Variants in CEP192 observed in about 807,000 individuals in gnomAD.
The protein encoded by CEP192 is centrosomal protein 192.
In CEP192, 151 loss-of-function variants were observed where a neutral mutation model predicts 271.8. That is an observed-to-expected ratio of 0.56 (90% CI 0.49 to 0.64). The LOEUF (loss-of-function observed/expected upper bound fraction) is 0.64, where lower values mean the gene tolerates loss of function less well. Ranked by LOEUF, CEP192 falls within the 30% of genes least tolerant of loss-of-function variation. CEP192 has a pLI of 0.00. For synonymous variants in CEP192, 995 were observed against 1,076.5 expected, an observed-to-expected ratio of 0.92 and a Z score of 1.48; for missense variants, 2,910 against 3,020.5, an observed-to-expected ratio of 0.96 and a Z score of 0.86.
intron 3 of CEP192, among the ~76,000 whole-genome samples, chr18:13,006,492 A>G (rs918477215): frequency 2.0e-5 from 3 of 152,158 alleles, no homozygotes; most frequent in African/African-American, 4.8e-5. Flanking sequence ...CCAGTCCCCC[A>G]TGTATACTGA....
Position 13,059,169 on chromosome 18 carries a change from A to G in CEP192, c.4345A>G (p.Ile1449Val). 1 of 1,614,132 alleles carries G rather than the reference A, an allele frequency of 6.2e-7. No individual in the cohort carries two copies. Among genetic ancestry groups the G allele is most frequent in the Non-Finnish European group, 8.5e-7 (1 of 1,179,964 alleles). Residue 1449 changes from isoleucine to valine, a missense_variant, in exon 21 of 45, where the codon ATA becomes GTA. Physicochemically the swap from Ile to Val is conservative, Grantham distance 29. Transcript: ENST00000506447. ...HATEEIKVLFIPSSPGVFRCT... is the reference protein window; with the variant it reads ...HATEEIKVLFVPSSPGVFRCT... ...CACAGAAGAGATAAAAGTGCTTTTT[A>G]TACCATCCAGTCCTGGGGTTTTCAG...
At position 13,103,598 on chromosome 18, in the gene CEP192, G is replaced by C. The variant is rs934587176; in HGVS notation, c.6951+10G>C. 3 of 1,591,436 alleles carry C rather than the reference G, an allele frequency of 1.9e-6. No individual in the cohort carries two copies. The African/African-American group carries it at 4.0e-5, about 21-fold the overall frequency. On this transcript the variant is annotated intron_variant, in intron 39 of 44. Coordinates refer to ENST00000506447, the MANE Select transcript of CEP192 (RefSeq NM_032142.4). The stretch of plus-strand genomic sequence containing the variant: ...GCCACCTTATGTCAAGGTCAGTCAT[G>C]ACTGCCTCAGATATAATCGTTTTAA...
At position 13,113,575 on chromosome 18, in the gene CEP192, G is replaced by A. The variant is rs1164076472; in HGVS notation, c.7048-11G>A. On this transcript the variant is annotated splice_polypyrimidine_tract_variant and intron_variant, in intron 40 of 44. Transcript: ENST00000506447. Reference sequence around the variant, plus strand: ...CAGTGTCTAAATTTCTCTTCTGTATGTATTTCGTAGGTCTCCATCACATTT... The same window carrying A: ...CAGTGTCTAAATTTCTCTTCTGTATATATTTCGTAGGTCTCCATCACATTT... 3.7e-6 allele frequency: 6 copies of A among 1,612,474 alleles called. No individual in the cohort carries two copies. Among genetic ancestry groups the A allele is most frequent in the Non-Finnish European group, 5.1e-6 (6 of 1,179,044 alleles).
intron 21 of CEP192, among the ~76,000 whole-genome samples, chr18:13,064,861 C>T (rs77268853): frequency 2.4e-4 from 36 of 152,126 alleles, no homozygotes; most frequent in African/African-American, 8.4e-4. Context: ...TTTTCTATTT[C>T]TGTGAGGTAG....
intron 9 of CEP192, among the ~76,000 whole-genome samples, chr18:13,027,121 GT>G (rs1418999066): frequency 6.6e-6 from 1 of 152,122 alleles, no homozygotes; most frequent in African/African-American, 2.4e-5. Flanking sequence ...GTGTTTCTCA[GT>G]TTTTTCCTCC....
chr18:13,080,023 G>A (rs998117064), intron 30 of CEP192, among the ~76,000 whole-genome samples: 4 of 152,170 alleles, frequency 2.6e-5, no homozygotes, highest in Admixed American at 2.0e-4. Flanking sequence ...GTACCATGCT[G>A]TTTTGGTTAC....
At chr18:13,059,375 G>C (rs895262701) in intron 21 of CEP192, 63 bp downstream of exon 21, 3 of 1,365,068 alleles carry the variant, frequency 2.2e-6, no homozygotes, top group Admixed American at 4.2e-5. Context: ...TTTAACCTTA[G>C]AAGTAAAATT....
At position 13,059,251 on chromosome 18, in the gene CEP192, A is replaced by G. The variant is rs1276478053; in HGVS notation, c.4427A>G (p.Gln1476Arg). 6 of 1,614,212 alleles carry G rather than the reference A, an allele frequency of 3.7e-6. No homozygotes were observed. The highest frequency in any genetic ancestry group is 5.1e-6 in the Non-Finnish European group (6 of 1,180,020). The change falls in exon 21 of 45, where the codon CAG becomes CGG. Residue 1476 changes from glutamine to arginine, a missense_variant. Gln to Arg is a conservative substitution (Grantham distance 43). Transcript: ENST00000506447. ...PCSTDAETIV[Q>R]AEALASTVTL... is the part of the protein sequence containing the mutation. The stretch of plus-strand genomic sequence containing the variant: ...TCGACAGATGCTGAGACCATCGTAC[A>G]GGCAGAAGCTTTGGCCAGCACCGTC...
chr18:13,108,145 TAACTC>T (rs2040043055), intron 40 of CEP192, among the ~76,000 whole-genome samples: 1 of 152,118 alleles, frequency 6.6e-6, no homozygotes, highest in Non-Finnish European at 1.5e-5. Context: ...GTATAAAAAT[TAACTC>T]AAGGTGGATT....
In CEP192 at chr18:13,069,958, C is replaced by G. The variant is rs541593441; in HGVS notation, c.5174+102C>G. Reference sequence around the variant, plus strand: ...GGTGGATTACCTGAGGTCAGGAGTTCGAGACCAGCTTGGGCAACATGGCGA... The same window carrying G: ...GGTGGATTACCTGAGGTCAGGAGTTGGAGACCAGCTTGGGCAACATGGCGA... On this transcript the variant is annotated intron_variant, in intron 27 of 44. Transcript: ENST00000506447. The G allele has an allele frequency of 4.6e-5, 30 of 658,868 alleles. No homozygotes were observed. In the Middle Eastern group the frequency reaches 5.8e-3, roughly 127 times the overall value. The allele number at this position is 658,868 out of a possible 1,614,324, so 40.8% of individuals were successfully genotyped here.
chr18:13,100,011 T>C (rs553745089), intron 37 of CEP192, among the ~76,000 whole-genome samples: 44 of 152,264 alleles, frequency 2.9e-4, no homozygotes, highest in Middle Eastern at 6.8e-3. Flanking sequence ...AGTTAGAGCA[T>C]TGGTATAGAA....
At chr18:13,072,951 G>T in intron 29 of CEP192, 58 bp from the exon 30 acceptor site, 2 of 1,555,400 alleles carry the variant, frequency 1.3e-6, no homozygotes, top group South Asian at 2.3e-5. Context: ...TGTGTTAATG[G>T]TATGTTTTAT....
At chr18:13,031,577 A>G (rs186564388) in intron 11 of CEP192, among the ~76,000 whole-genome samples, 304 of 152,242 alleles carry the variant, frequency 2.0e-3, no homozygotes, top group African/African-American at 7.0e-3. Flanking sequence ...GGCTTGCGCC[A>G]GAGGAAGAAG....
intron 27 of CEP192, among the ~76,000 whole-genome samples, chr18:13,070,667 G>A (rs1218197628): frequency 6.6e-6 from 1 of 152,150 alleles, no homozygotes; most frequent in Non-Finnish European, 1.5e-5. Flanking sequence ...ACACTTTATC[G>A]TGTGCTCAGT....
intron 3 of CEP192, among the ~76,000 whole-genome samples, chr18:13,007,891 G>A (rs755709718): frequency 8.5e-5 from 13 of 152,124 alleles, no homozygotes; most frequent in Non-Finnish European, 1.5e-4. Context: ...CTGAAGTTCC[G>A]TTCCCACCCC....
In CEP192 at chr18:13,049,630, G is replaced by A. The variant is rs778874472; in HGVS notation, c.2839G>A (p.Glu947Lys). The A allele has an allele frequency of 2.5e-6, 4 of 1,613,136 alleles. No homozygotes were observed. The African/African-American group carries it at 5.3e-5, about 22-fold the overall frequency. The change falls in exon 16 of 45, where the codon GAG (glutamate) becomes AAG (lysine). Residue 947 changes from glutamate (E) to lysine (K), a missense_variant. By Grantham distance (56) the Glu-to-Lys change is moderately conservative. Coordinates refer to ENST00000506447, the MANE Select transcript of CEP192 (RefSeq NM_032142.4). ...NECVSEISNSEKHVTFENHRI... is the reference protein window; with the variant it reads ...NECVSEISNSKKHVTFENHRI... ...GTGTGTCAGTGAAATAAGCAACAGT[G>A]AGAAGCATGTGACTTTTGAAAACCA...
chr18:13,081,839 T>G (rs2038627181), intron 30 of CEP192, among the ~76,000 whole-genome samples: 1 of 152,244 alleles, frequency 6.6e-6, no homozygotes, highest in South Asian at 2.1e-4. Context: ...AACATCTTTA[T>G]TTCTGCCTTC....
intron 17 of CEP192, among the ~76,000 whole-genome samples, chr18:13,052,406 CTT>C (rs1054506322): frequency 5.9e-5 from 9 of 152,090 alleles, no homozygotes; most frequent in African/African-American, 1.9e-4. Context: ...TTTGTGAAGT[CTT>C]TATATTTATC....
chr18:13,002,087 A>G (rs2033683643), intron 3 of CEP192, among the ~76,000 whole-genome samples: 4 of 152,204 alleles, frequency 2.6e-5, no homozygotes, highest in Admixed American at 2.0e-4. Context: ...TCTAAAAGTA[A>G]CGTGCTTTTG....
Sources: gnomAD v4.1 joint callset for allele counts (sites outside exome capture counted in the v4.1 genomes callset) on GRCh38, gnomAD v4.1.1 for gene constraint, MANE v1.5 for transcripts, NCBI Gene and HGNC (gene_info 2026-07-23, HGNC 2026-07-21) for gene names.